The following NR1H4 variants were observed in gnomAD, a reference collection of about 807,000 sequenced individuals.
NR1H4 encodes the protein nuclear receptor subfamily 1 group H member 4.
Under a neutral mutation model 58.5 loss-of-function variants are expected in NR1H4, and 23 were observed. The observed-to-expected ratio is 0.39, with a 90% CI of 0.28 to 0.56. NR1H4 has a LOEUF of 0.56. Among genes scored for constraint, NR1H4 ranks in the 20% least tolerant of loss-of-function variants. The pLI is 0.58. For missense variants in NR1H4, 487 were observed against 576.9 expected, an observed-to-expected ratio of 0.84 and a Z score of 1.60; for synonymous variants, 214 against 198.0, an observed-to-expected ratio of 1.08 and a Z score of -0.68.
chr12:100,516,521 C>A lies in NR1H4; in HGVS notation c.445+5378C>A, dbSNP rs1014253866. On this transcript the variant is annotated intron_variant, in intron 4 of 10. Transcript: ENST00000392986. ...AGCTGGGACTACAGGCACCTGCCAC[C>A]ACGCCCGGCTAATTTTTTGTATTTT... is the stretch of plus-strand genomic sequence containing the variant. Among the ~76,000 whole-genome samples, 3 of 152,242 alleles carry A rather than the reference C, an allele frequency of 2.0e-5. No homozygotes were observed. The East Asian group carries it at 5.8e-4, about 29-fold the overall frequency.
chr12:100,555,037 T>A (rs928748471), intron 9 of NR1H4, among the ~76,000 whole-genome samples: 3 of 152,254 alleles, frequency 2.0e-5, no homozygotes, highest in East Asian at 1.9e-4. Flanking sequence ...ATAATCATTT[T>A]AAAAACTTTA....
chr12:100,505,450 G>A (rs901227026), intron 3 of NR1H4: 5 of 505,334 alleles, frequency 9.9e-6, no homozygotes, highest in African/African-American at 7.7e-5. Flanking sequence ...GTGGTTAGTG[G>A]CTACCATATT....
At chr12:100,532,061 T>C (rs1954706347) in intron 4 of NR1H4, among the ~76,000 whole-genome samples, 1 of 152,198 alleles carries the variant, frequency 6.6e-6, no homozygotes, top group African/African-American at 2.4e-5. Context: ...ACTTGTTTAG[T>C]TGTTTGTGCG....
intron 9 of NR1H4, among the ~76,000 whole-genome samples, chr12:100,547,728 T>C (rs917211963): frequency 7.2e-5 from 11 of 151,872 alleles, no homozygotes; most frequent in African/African-American, 2.7e-4. Flanking sequence ...TTTATTTATT[T>C]ATTTATTTTG....
intron 4 of NR1H4, among the ~76,000 whole-genome samples, chr12:100,526,618 G>A (rs1168185462): frequency 1.3e-5 from 2 of 152,154 alleles, no homozygotes; most frequent in African/African-American, 4.8e-5. Context: ...CTTTGAATTG[G>A]TCCCTTCAAA....
At chr12:100,486,614 G>C (rs796626373) in intron 1 of NR1H4, among the ~76,000 whole-genome samples, 1 of 152,158 alleles carries the variant, frequency 6.6e-6, no homozygotes, top group African/African-American at 2.4e-5. Context: ...CTTTTTAAGA[G>C]TGTGATAAAA....
At chr12:100,529,301 T>C (rs1954635769) in intron 4 of NR1H4, among the ~76,000 whole-genome samples, 1 of 152,144 alleles carries the variant, frequency 6.6e-6, no homozygotes, top group Admixed American at 6.5e-5. Context: ...TGTCCCACTT[T>C]AGTTCAGGCA....
intron 1 of NR1H4, among the ~76,000 whole-genome samples, chr12:100,488,171 T>C (rs1418409907): frequency 6.6e-6 from 1 of 151,952 alleles, no homozygotes; most frequent in Admixed American, 6.6e-5. Context: ...TGGTTAATTT[T>C]TGTATTTTTA....
intron 3 of NR1H4, chr12:100,499,948 G>A (rs941597260): frequency 2.2e-6 from 1 of 455,948 alleles, no homozygotes; most frequent in Non-Finnish European, 4.4e-6. Context: ...ATTTAAATAA[G>A]GTGATAAGAA....
At position 100,533,930 on chromosome 12, in the gene NR1H4, C is replaced by T. The variant is rs1173792286; in HGVS notation, c.599-960C>T. 6.0e-5 allele frequency among the ~76,000 whole-genome samples: 9 copies of T among 151,146 alleles called. No individual in the cohort carries two copies. The South Asian group carries it at 1.9e-3, about 31-fold the overall frequency. ...GTTGAGACGGAGTCTCGCTCTGTCG[C>T]CCAGGCCGGACTGCGGACTGCAGTG... On this transcript the variant is annotated intron_variant, in intron 5 of 10. Coordinates refer to ENST00000392986, the MANE Select transcript of NR1H4 (RefSeq NM_001206979.2).
At chr12:100,545,628 T>G (rs1328779300) in intron 9 of NR1H4, among the ~76,000 whole-genome samples, 1 of 106,650 alleles carries the variant, frequency 9.4e-6, no homozygotes. Flanking sequence ...GGTGACAGAG[T>G]GAGACCTTGT....
chr12:100,543,556 A>T (rs1329013617), intron 9 of NR1H4, among the ~76,000 whole-genome samples: 1 of 150,052 alleles, frequency 6.7e-6, no homozygotes, highest in Non-Finnish European at 1.5e-5. Context: ...GGTTCTGGAC[A>T]GATTGTGTGT....
rs770333055 is a variant in NR1H4 at position 100,532,470 on chromosome 12, G to T, written c.458G>T (p.Arg153Ile). Reference protein sequence around the residue: ...TCEGCKGFFRRSITKNAVYKC... With the variant: ...TCEGCKGFFRISITKNAVYKC... Reference sequence around the variant, plus strand: ...GTTTCTCCCACAGGTTTCTTCAGGAGAAGCATTACCAAAAACGCTGTGTAC... The same window carrying T: ...GTTTCTCCCACAGGTTTCTTCAGGATAAGCATTACCAAAAACGCTGTGTAC... The change falls in exon 5 of 11, where the codon AGA (arginine) becomes ATA (isoleucine). Residue 153 changes from arginine to isoleucine, a missense_variant. By Grantham distance (97) the Arg-to-Ile change is moderately conservative. Coordinates refer to ENST00000392986, the MANE Select transcript of NR1H4 (RefSeq NM_001206979.2). The T allele has an allele frequency of 6.2e-7, 1 of 1,614,128 alleles. No individual in the cohort carries two copies. Among genetic ancestry groups the T allele is most frequent in the East Asian group, 2.2e-5 (1 of 44,872 alleles).
intron 1 of NR1H4, among the ~76,000 whole-genome samples, chr12:100,487,072 G>C (rs1174302167): frequency 2.0e-5 from 3 of 152,130 alleles, no homozygotes; most frequent in African/African-American, 4.8e-5. Flanking sequence ...AGCCAATATA[G>C]ATGTAAAGAA....
At chr12:100,540,386 C>T (rs1232779853) in intron 8 of NR1H4, among the ~76,000 whole-genome samples, 1 of 152,194 alleles carries the variant, frequency 6.6e-6, no homozygotes, top group Non-Finnish European at 1.5e-5. Flanking sequence ...GAAAATCTAC[C>T]TGTGTCTAGT....
intron 10 of NR1H4, 147 bp from the exon 11 acceptor site, chr12:100,563,102 TAA>T: frequency 1.5e-6 from 1 of 678,466 alleles, no homozygotes; most frequent in Non-Finnish European, 2.6e-6. Context: ...TGTGTGTGCA[TAA>T]AAATTCATCA....
chr12:100,516,208 C>A (rs916982672), intron 4 of NR1H4, among the ~76,000 whole-genome samples: 10 of 152,126 alleles, frequency 6.6e-5, no homozygotes, highest in African/African-American at 2.2e-4. Flanking sequence ...AGACTTGAAA[C>A]CTGGACTGGA....
chr12:100,506,315 A>G (rs1253956059), intron 3 of NR1H4, among the ~76,000 whole-genome samples: 3 of 152,176 alleles, frequency 2.0e-5, no homozygotes, highest in Non-Finnish European at 4.4e-5. Context: ...GAGAGATTGA[A>G]ATAGGAAAAG....
At position 100,563,231 on chromosome 12, in the gene NR1H4, TA is replaced by T. The variant is rs776466925; in HGVS notation, c.1193-19del. 6.9e-5 allele frequency: 108 copies of T among 1,570,582 alleles called. No homozygotes were observed. Among genetic ancestry groups the T allele is most frequent in the Middle Eastern group, 1.7e-4 (1 of 5,992 alleles). On this transcript the variant is annotated intron_variant, in intron 10 of 10. Transcript: ENST00000392986. ...TTTCCACTTTTTAATTTTGTCATTT[TA>T]TTTTAAACTTCAAAACAGATAGACA...
Sources: gnomAD v4.1 joint callset for allele counts (sites outside exome capture counted in the v4.1 genomes callset) on GRCh38, gnomAD v4.1.1 for gene constraint, MANE v1.5 for transcripts, NCBI Gene and HGNC (gene_info 2026-07-23, HGNC 2026-07-21) for gene names.